RNF220: variants seen among roughly 807,000 people sequenced by gnomAD.
RNF220 encodes ring finger protein 220, also known as E3 ubiquitin-protein ligase RNF220.
A neutral mutation model predicts 67.1 loss-of-function variants in RNF220; 7 were observed. That is an observed-to-expected ratio of 0.10 (90% confidence interval 0.06 to 0.20). RNF220 has a LOEUF of 0.20. Among genes scored for constraint, RNF220 ranks in the 10% least tolerant of loss-of-function variants. The pLI is 1.00. For missense variants in RNF220, 565 were observed against 740.3 expected, an observed-to-expected ratio of 0.76 and a Z score of 2.75; for synonymous variants, 270 against 283.2, an observed-to-expected ratio of 0.95 and a Z score of 0.47.
chr1:44,516,532 A>G (rs1659462701), intron 2 of RNF220, among the ~76,000 whole-genome samples: 1 of 152,216 alleles, frequency 6.6e-6, no homozygotes, highest in African/African-American at 2.4e-5. Context: ...AGCAGCTTCT[A>G]AGAAATTTGC....
chr1:44,631,774 G>A, intron 5 of RNF220: 1 of 402,096 alleles, frequency 2.5e-6, no homozygotes, highest in Non-Finnish European at 3.4e-6. Flanking sequence ...GAGGGGTCGT[G>A]GAGTGGGGTG....
intron 5 of RNF220, among the ~76,000 whole-genome samples, chr1:44,628,101 C>A (rs1034478995): frequency 9.2e-5 from 14 of 152,240 alleles, no homozygotes; most frequent in Non-Finnish European, 2.1e-4. Flanking sequence ...GAGAAATGAC[C>A]AGACCCCAGG....
At chr1:44,448,926 C>T (rs1652381043) in intron 2 of RNF220, among the ~76,000 whole-genome samples, 1 of 152,192 alleles carries the variant, frequency 6.6e-6, no homozygotes, top group African/African-American at 2.4e-5. Context: ...GTATTGGCCT[C>T]CCAGACACTG....
chr1:44,632,076 G>T, intron 5 of RNF220: 1 of 1,223,100 alleles, frequency 8.2e-7, no homozygotes, highest in Middle Eastern at 3.1e-4. Context: ...CGGCCGTGGG[G>T]CCCAGAGCGC....
chr1:44,536,474 A>G lies in RNF220; in HGVS notation c.626-77691A>G, dbSNP rs572381380. 5.1e-4 allele frequency among the ~76,000 whole-genome samples: 77 copies of G among 152,288 alleles called. 2 individuals carry two copies. Among genetic ancestry groups the G allele is most frequent in the African/African-American group, 1.6e-3 (68 of 41,562 alleles). ...CCGTGGGATTGATACAGGCCTTTAT[A>G]CTTGGAGGTTCTGGGCTGTCCAGCA... On this transcript the variant is annotated intron_variant, in intron 2 of 14. Coordinates refer to ENST00000361799, the MANE Select transcript of RNF220 (RefSeq NM_018150.4).
chr1:44,471,383 G>A (rs2147992434), intron 2 of RNF220, among the ~76,000 whole-genome samples: 1 of 152,112 alleles, frequency 6.6e-6, no homozygotes, highest in South Asian at 2.1e-4. Context: ...CCAAGATCGT[G>A]CCACTGCACT....
chr1:44,502,467 C>G (rs1415689916), intron 2 of RNF220, among the ~76,000 whole-genome samples: 1 of 152,108 alleles, frequency 6.6e-6, no homozygotes, highest in Non-Finnish European at 1.5e-5. Flanking sequence ...CATGTAATAA[C>G]CATCTGCATG....
rs1467339001 is a variant in RNF220 at position 44,412,194 on chromosome 1, G to C, written c.97G>C (p.Glu33Gln). Residue 33 changes from glutamate to glutamine, a missense_variant, in exon 2 of 15, where the codon GAG (glutamate) becomes CAG (glutamine). Physicochemically the swap from Glu to Gln is conservative, Grantham distance 29. Transcript: ENST00000361799. The surrounding 1 kb of genome is among the most constrained non-coding windows in gnomAD (Gnocchi z 5.3). ...ACTGATGGTCCTGGCATCCACGGCT[G>C]AGGCCAGCCGTGATGCTTCCATCCC... ...PALMVLASTA[E>Q]ASRDASIPCQ... The C allele has an allele frequency of 5.6e-6, 9 of 1,614,188 alleles. No individual in the cohort carries two copies. Among genetic ancestry groups the C allele is most frequent in the Non-Finnish European group, 7.6e-6 (9 of 1,180,026 alleles).
chr1:44,433,146 T>C (rs925729154), intron 2 of RNF220, among the ~76,000 whole-genome samples: 12 of 152,248 alleles, frequency 7.9e-5, no homozygotes, highest in African/African-American at 2.9e-4. Context: ...GCCAGGCTGG[T>C]CTCGAACTCT....
At chr1:44,560,272 C>T (rs1663462327) in intron 2 of RNF220, among the ~76,000 whole-genome samples, 1 of 152,148 alleles carries the variant, frequency 6.6e-6, no homozygotes, top group Non-Finnish European at 1.5e-5. Flanking sequence ...CCGCTCTCCC[C>T]AGTTCAGATG....
intron 2 of RNF220, among the ~76,000 whole-genome samples, chr1:44,550,813 T>A (rs1662567086): frequency 6.6e-6 from 1 of 152,112 alleles, no homozygotes; most frequent in African/African-American, 2.4e-5. Context: ...CTCAGGGCGT[T>A]CTTGGGCCTG....
intron 2 of RNF220, among the ~76,000 whole-genome samples, chr1:44,479,177 G>T (rs538228247): frequency 6.0e-5 from 9 of 150,552 alleles, no homozygotes; most frequent in African/African-American, 2.2e-4. Flanking sequence ...GTGCAGTGGC[G>T]CATTCTCGGC....
intron 2 of RNF220, among the ~76,000 whole-genome samples, chr1:44,492,289 G>A (rs1210798373): frequency 6.6e-6 from 1 of 152,138 alleles, no homozygotes; most frequent in Non-Finnish European, 1.5e-5. Context: ...AAAATGTATA[G>A]AAATTGGAAG....
chr1:44,607,119 C>T lies in RNF220; in HGVS notation c.626-7046C>T, dbSNP rs373485266. Among the ~76,000 whole-genome samples, 14 of 152,264 alleles carry T rather than the reference C, an allele frequency of 9.2e-5. No individual in the cohort carries two copies. The East Asian group carries it at 1.5e-3, about 17-fold the overall frequency. On this transcript the variant is annotated intron_variant, in intron 2 of 14. Coordinates refer to ENST00000361799, the MANE Select transcript of RNF220 (RefSeq NM_018150.4). The stretch of plus-strand genomic sequence containing the variant: ...CAATCCATCTGCCTCTGTTCATCTC[C>T]GGCATCGTCATGCTAGAGCAAGCCG...
intron 2 of RNF220, among the ~76,000 whole-genome samples, chr1:44,452,313 G>T (rs545450222): frequency 7.2e-5 from 11 of 152,242 alleles, no homozygotes; most frequent in African/African-American, 2.4e-4. Context: ...CAGCACTTTG[G>T]GTGGCTGAGG....
intron 2 of RNF220, among the ~76,000 whole-genome samples, chr1:44,460,212 C>T (rs978181421): frequency 8.5e-5 from 13 of 152,210 alleles, no homozygotes; most frequent in African/African-American, 2.7e-4. Flanking sequence ...CATTAATTCA[C>T]TGACATTTCC....
chr1:44,552,563 C>CTT (rs368891059), intron 2 of RNF220, among the ~76,000 whole-genome samples: 1,095 of 71,188 alleles, frequency 0.015, 206 homozygotes, highest in African/African-American at 0.044. Flanking sequence ...TTCTAAACTT[C>CTT]TTCTTTTTTT....
At chr1:44,495,014 A>G (rs193294571) in intron 2 of RNF220, among the ~76,000 whole-genome samples, 9 of 152,182 alleles carry the variant, frequency 5.9e-5, no homozygotes, top group African/African-American at 2.2e-4. Context: ...GGAGTTCAAG[A>G]CCACCCTGGG....
intron 6 of RNF220, among the ~76,000 whole-genome samples, chr1:44,633,136 G>T (rs1037709205): frequency 2.0e-5 from 3 of 152,234 alleles, no homozygotes; most frequent in African/African-American, 7.2e-5. Flanking sequence ...AAGATCCCCA[G>T]CTCTTATCAC....
Sources: allele counts gnomAD v4.1 joint callset (sites outside exome capture counted in the v4.1 genomes callset), GRCh38; gene constraint gnomAD v4.1.1; non-coding constraint Gnocchi (gnomAD v3.1); transcripts MANE v1.5; gene names NCBI Gene and HGNC (gene_info 2026-07-23, HGNC 2026-07-21).